UBAP2L: variants seen among roughly 807,000 people sequenced by gnomAD.
UBAP2L encodes the protein ubiquitin associated protein 2 like, also known as ubiquitin-associated protein 2-like.
In UBAP2L, 12 loss-of-function variants were observed where a neutral mutation model predicts 130.6. The ratio of observed to expected loss-of-function variants is 0.09; its 90% confidence interval spans 0.06 to 0.15. UBAP2L has a LOEUF of 0.15. Ranked by LOEUF, UBAP2L falls within the 10% of genes least tolerant of loss-of-function variation. UBAP2L has a pLI of 1.00. For synonymous variants in UBAP2L, 503 were observed against 524.7 expected, an observed-to-expected ratio of 0.96 and a Z score of 0.57; for missense variants, 965 against 1,332.5, an observed-to-expected ratio of 0.72 and a Z score of 4.29.
At chr1:154,236,405 C>A (rs1204194694) in intron 6 of UBAP2L, among the ~76,000 whole-genome samples, 161 bp from the exon 7 acceptor site, 4 of 152,072 alleles carry the variant, frequency 2.6e-5, no homozygotes, top group Admixed American at 6.6e-5. Context: ...TGCTCTATTG[C>A]CTAGGCTGGT....
At chr1:154,220,594 G>T (rs1027999910), upstream of UBAP2L, 3 of 623,746 alleles carry the variant, frequency 4.8e-6, no homozygotes, top group Non-Finnish European at 8.5e-6. Context: ...AAAGGAGAAC[G>T]ACGCCTTCCA....
intron 11 of UBAP2L, among the ~76,000 whole-genome samples, 154 bp from the exon 12 acceptor site, chr1:154,249,085 T>C (rs1676626215): frequency 1.3e-5 from 2 of 152,164 alleles, no homozygotes; most frequent in Non-Finnish European, 2.9e-5. Flanking sequence ...TGACTCTAGG[T>C]CCTATACTCT....
At chr1:154,232,763 C>T (rs1327187882) in intron 4 of UBAP2L, among the ~76,000 whole-genome samples, 1 of 152,000 alleles carries the variant, frequency 6.6e-6, no homozygotes, top group African/African-American at 2.4e-5. Flanking sequence ...AGTCACATAA[C>T]CACGACTCAC....
chr1:154,236,323 C>T (rs1168708353), intron 6 of UBAP2L, among the ~76,000 whole-genome samples: 1 of 152,126 alleles, frequency 6.6e-6, no homozygotes. Context: ...CTCAGCCCCT[C>T]AAGGAGCTGG....
rs377594187 is a variant in UBAP2L at position 154,251,546 on chromosome 1, G to A, written c.1557G>A (p.Gly519=). ...ADISGLNLQF[G]ALQFGSEPVL... ...TCTCAGGGCTAAACCTGCAGTTTGG[G>A]GCATTGCAGTTTGGGTCAGAGCCTG... The change falls in exon 14 of 27, where the codon GGG becomes GGA. Residue 519 remains glycine (G), a synonymous_variant. Transcript: ENST00000428931. 4.3e-6 allele frequency: 7 copies of A among 1,614,040 alleles called. No homozygotes were observed. The highest frequency in any genetic ancestry group is 5.9e-6 in the Non-Finnish European group (7 of 1,180,012).
chr1:154,255,548 T>C (rs1235501313), intron 17 of UBAP2L, 135 bp from the exon 18 acceptor site: 4 of 1,188,192 alleles, frequency 3.4e-6, no homozygotes, highest in African/African-American at 3.0e-5. Context: ...TGGCTGGCCA[T>C]TGTGCTTAAC....
At chr1:154,227,699 A>C (rs900893481) in intron 3 of UBAP2L, among the ~76,000 whole-genome samples, 3 of 151,746 alleles carry the variant, frequency 2.0e-5, no homozygotes, top group Non-Finnish European at 4.4e-5. Flanking sequence ...GGCGCTCACC[A>C]CCATGCCTGG....
chr1:154,226,675 C>T (rs1668050461), intron 2 of UBAP2L, among the ~76,000 whole-genome samples: 1 of 151,784 alleles, frequency 6.6e-6, no homozygotes, highest in Admixed American at 6.6e-5. Flanking sequence ...TTACACATGG[C>T]TTTGTGACTT....
At chr1:154,252,687 G>A (rs1678162717) in intron 14 of UBAP2L, among the ~76,000 whole-genome samples, 1 of 151,936 alleles carries the variant, frequency 6.6e-6, no homozygotes, top group Non-Finnish European at 1.5e-5. Flanking sequence ...AGCCTCCCTA[G>A]TAGCTGGAAT....
chr1:154,229,242 T>C (rs1224698879), intron 4 of UBAP2L, among the ~76,000 whole-genome samples: 1 of 152,102 alleles, frequency 6.6e-6, no homozygotes, highest in Non-Finnish European at 1.5e-5. Context: ...AGAAACAAGC[T>C]TTGTAGCCTG....
intron 12 of UBAP2L, among the ~76,000 whole-genome samples, chr1:154,249,828 C>T (rs1439062324): frequency 6.8e-6 from 1 of 148,090 alleles, no homozygotes; most frequent in Non-Finnish European, 1.5e-5. Flanking sequence ...GTCCCAGCCC[C>T]TAGTGAGGGT....
chr1:154,234,514 A>G, intron 4 of UBAP2L, 77 bp from the exon 5 acceptor site: 1 of 1,501,214 alleles, frequency 6.7e-7, no homozygotes, highest in South Asian at 1.2e-5. Flanking sequence ...TAAGTCAATC[A>G]GTCATCCCAG....
chr1:154,237,500 A>G (rs1183865887), intron 8 of UBAP2L, among the ~76,000 whole-genome samples: 1 of 152,178 alleles, frequency 6.6e-6, no homozygotes, highest in African/African-American at 2.4e-5. Flanking sequence ...ATTAGGTCCA[A>G]GTGTATTTTC....
Position 154,243,249 on chromosome 1 carries a change from T to C in UBAP2L, c.789T>C (p.Asn263=), listed in dbSNP as rs747528093. Residue 263 remains asparagine, a synonymous_variant, in exon 10 of 27, where the codon AAT becomes AAC. Coordinates refer to ENST00000428931, the MANE Select transcript of UBAP2L (RefSeq NM_014847.4). ...LSETKIFTAS[N]VSSVPLPAEN... ...AGACCAAGATCTTCACTGCCTCTAA[T>C]GTGTCTTCAGTGCCTCTGCCTGCGG... is the stretch of plus-strand genomic sequence containing the variant. 2 of 1,611,918 alleles carry C rather than the reference T, an allele frequency of 1.2e-6. No individual in the cohort carries two copies. The highest frequency in any genetic ancestry group is 1.7e-5 in the Admixed American group (1 of 59,948).
intron 11 of UBAP2L, among the ~76,000 whole-genome samples, chr1:154,248,726 G>A (rs1486413547): frequency 6.6e-6 from 1 of 152,176 alleles, no homozygotes; most frequent in African/African-American, 2.4e-5. Flanking sequence ...TGAGGCAGGA[G>A]AATGGTGTGA....
At chr1:154,231,980 C>T (rs1282920594) in intron 4 of UBAP2L, among the ~76,000 whole-genome samples, 1 of 152,090 alleles carries the variant, frequency 6.6e-6, no homozygotes, top group African/African-American at 2.4e-5. Flanking sequence ...AGTGATTAGA[C>T]ATTAGGTAGC....
chr1:154,257,537 C>G (rs1442619622), intron 20 of UBAP2L, 103 bp downstream of exon 20: 1 of 1,224,254 alleles, frequency 8.2e-7, no homozygotes, highest in Non-Finnish European at 1.2e-6. Flanking sequence ...AAAACTTGCA[C>G]ATACTCAAGC....
chr1:154,263,174 G>A, intron 24 of UBAP2L: 1 of 1,551,572 alleles, frequency 6.4e-7, no homozygotes, highest in South Asian at 1.2e-5. Context: ...GCTGGGGGCT[G>A]TGTTTTGTGT....
intron 14 of UBAP2L, 82 bp from the exon 15 acceptor site, chr1:154,253,818 T>C: frequency 7.3e-7 from 1 of 1,375,084 alleles, no homozygotes; most frequent in Non-Finnish European, 9.9e-7. Context: ...GTTATTCCAC[T>C]AGTAGATCTC....
Sources: gnomAD v4.1 joint callset for allele counts (sites outside exome capture counted in the v4.1 genomes callset) on GRCh38, gnomAD v4.1.1 for gene constraint, MANE v1.5 for transcripts, NCBI Gene and HGNC (gene_info 2026-07-23, HGNC 2026-07-21) for gene names.